Variants in MLIP observed in about 807,000 individuals in gnomAD.
The protein encoded by MLIP is muscular LMNA-interacting protein.
In MLIP, 79 loss-of-function variants were observed where a neutral mutation model predicts 84.8. That is an observed-to-expected ratio of 0.93 (90% CI 0.78 to 1.12). The LOEUF is 1.12. Among genes scored for constraint, MLIP ranks in the 50% most tolerant of loss-of-function variants. MLIP has a pLI of 0.00. For synonymous variants in MLIP, 504 were observed against 463.0 expected (o/e 1.09, Z -1.14); for missense variants, 1,257 against 1,160.6 (o/e 1.08, Z -1.21).
At chr6:54,265,526 T>C (rs548637307) in intron 13 of MLIP, among the ~76,000 whole-genome samples, 2 of 152,252 alleles carry the variant, frequency 1.3e-5, no homozygotes, top group South Asian at 4.1e-4. Flanking sequence ...TCAATCCCTA[T>C]TCAGTTTACC....
At chr6:54,219,325 T>A (rs1208542042) in intron 11 of MLIP, among the ~76,000 whole-genome samples, 7 of 150,842 alleles carry the variant, frequency 4.6e-5, no homozygotes. Context: ...TTCTCTATTT[T>A]AAAATTTTCT....
intron 12 of MLIP, among the ~76,000 whole-genome samples, chr6:54,255,233 ACT>A (rs1782931005): frequency 6.6e-6 from 1 of 151,982 alleles, no homozygotes; most frequent in Non-Finnish European, 1.5e-5. Flanking sequence ...GTCTCTGCAT[ACT>A]CTCAGTCTAG....
intron 5 of MLIP, among the ~76,000 whole-genome samples, chr6:54,159,297 T>A (rs925800009): frequency 1.3e-5 from 2 of 152,110 alleles, no homozygotes; most frequent in African/African-American, 4.8e-5. Context: ...GGTTTGAGAC[T>A]GAATTTATAC....
intron 1 of MLIP, among the ~76,000 whole-genome samples, chr6:54,120,850 C>T (rs753605328): frequency 3.4e-4 from 51 of 151,920 alleles, no homozygotes; most frequent in Admixed American, 2.0e-4. Flanking sequence ...TCCTGTTCAC[C>T]GTTGTTTCCC....
intron 2 of MLIP, among the ~76,000 whole-genome samples, chr6:54,122,279 A>G (rs1187486178): frequency 6.6e-6 from 1 of 152,208 alleles, no homozygotes; most frequent in Non-Finnish European, 1.5e-5. Flanking sequence ...ACTGATGGTA[A>G]TTAGATAATT....
At chr6:54,051,155 G>A (rs144087720) in intron 1 of MLIP, among the ~76,000 whole-genome samples, 1,757 of 151,692 alleles carry the variant, frequency 0.012, 32 homozygotes, top group African/African-American at 0.04. Context: ...ACCTCGAGCA[G>A]TCTACTAGTA....
rs183860033 is a variant in MLIP at position 54,158,232 on chromosome 6, G to A, written c.2290-2135G>A. ...CTTCTGTCAGGATATGTCTACCTCA[G>A]AATGGGAATAAAGAAATGAGAAATA... On this transcript the variant is annotated intron_variant, in intron 5 of 13. Coordinates refer to ENST00000502396, the MANE Select transcript of MLIP (RefSeq NM_001281747.2). Among the ~76,000 whole-genome samples, 219 of 152,162 alleles carry A rather than the reference G, an allele frequency of 1.4e-3. 1 individual carries two copies. Among genetic ancestry groups the A allele is most frequent in the African/African-American group, 5.2e-3 (216 of 41,534 alleles).
At chr6:54,100,382 T>C (rs1260031692) in intron 1 of MLIP, among the ~76,000 whole-genome samples, 6 of 152,148 alleles carry the variant, frequency 3.9e-5, no homozygotes, top group Non-Finnish European at 8.8e-5. Flanking sequence ...ATGTATTATT[T>C]TAGTAACTTG....
At position 54,027,442 on chromosome 6, in the gene MLIP, G is replaced by C. The variant is rs1386021386; in HGVS notation, c.63+8351G>C. On this transcript the variant is annotated intron_variant, in intron 1 of 12. Coordinates refer to the MLIP transcript ENST00000274897. Reference sequence around the variant, plus strand: ...ACACATATATACATAAAATCTGTGTGTTAAATGTTATTTTAAAAATGGTTT... The same window carrying C: ...ACACATATATACATAAAATCTGTGTCTTAAATGTTATTTTAAAAATGGTTT... Among the ~76,000 whole-genome samples the C allele has an allele frequency of 2.6e-5, 4 of 151,156 alleles. No individual in the cohort carries two copies. In the East Asian group the frequency reaches 5.8e-4, roughly 22 times the overall value.
At chr6:54,049,199 A>T (rs1299298286) in intron 1 of MLIP, among the ~76,000 whole-genome samples, 1 of 152,226 alleles carries the variant, frequency 6.6e-6, no homozygotes, top group Non-Finnish European at 1.5e-5. Flanking sequence ...ACAAAAGATC[A>T]GTGTAAAGCT....
intron 1 of MLIP, among the ~76,000 whole-genome samples, chr6:54,051,150 G>A (rs1051419996): frequency 2.6e-5 from 4 of 151,640 alleles, no homozygotes; most frequent in South Asian, 4.2e-4. Flanking sequence ...GTTGGACCTC[G>A]AGCAGTCTAC....
chr6:54,258,981 T>C (rs939405328), intron 13 of MLIP, among the ~76,000 whole-genome samples: 1 of 150,972 alleles, frequency 6.6e-6, no homozygotes, highest in Non-Finnish European at 1.5e-5. Flanking sequence ...TAAATTTATA[T>C]TTCTATCTAT....
At chr6:54,199,116 T>G (rs1778496828) in intron 10 of MLIP, among the ~76,000 whole-genome samples, 1 of 152,182 alleles carries the variant, frequency 6.6e-6, no homozygotes, top group Non-Finnish European at 1.5e-5. Context: ...AACAATAAAT[T>G]TTAAAGGAAT....
intron 13 of MLIP, among the ~76,000 whole-genome samples, chr6:54,263,816 A>T (rs551908556): frequency 6.6e-6 from 1 of 152,166 alleles, no homozygotes; most frequent in Non-Finnish European, 1.5e-5. Flanking sequence ...TTATATCCAA[A>T]ATAAGTGTGT....
chr6:54,038,026 C>T (rs1764541102), intron 1 of MLIP, among the ~76,000 whole-genome samples: 1 of 151,816 alleles, frequency 6.6e-6, no homozygotes, highest in South Asian at 2.1e-4. Context: ...TTTATTCACA[C>T]CTCACCTCAC....
intron 1 of MLIP, among the ~76,000 whole-genome samples, chr6:54,119,173 G>T (rs1300589318): frequency 6.6e-6 from 1 of 152,170 alleles, no homozygotes; most frequent in Non-Finnish European, 1.5e-5. Flanking sequence ...ATATGATCTA[G>T]CAATCCCATT....
intron 13 of MLIP, among the ~76,000 whole-genome samples, chr6:54,261,296 G>A (rs751280497): frequency 2.0e-5 from 3 of 151,854 alleles, no homozygotes; most frequent in African/African-American, 7.3e-5. Context: ...TAAACAGACC[G>A]CCCCTCTTTG....
chr6:54,045,879 A>T (rs930371251), intron 1 of MLIP: 2 of 152,174 alleles, frequency 1.3e-5, no homozygotes, highest in Non-Finnish European at 2.9e-5. Flanking sequence ...ACCCAGTCTC[A>T]GGTAGTTATT....
intron 12 of MLIP, among the ~76,000 whole-genome samples, chr6:54,238,990 T>C (rs1015473315): frequency 1.3e-5 from 2 of 152,208 alleles, no homozygotes; most frequent in Admixed American, 1.3e-4. Context: ...TTTCTTCACA[T>C]GTACTATGGA....
Sources: gnomAD v4.1 joint callset for allele counts (sites outside exome capture counted in the v4.1 genomes callset) on GRCh38, gnomAD v4.1.1 for gene constraint, MANE v1.5 for transcripts, NCBI Gene and HGNC (gene_info 2026-07-23, HGNC 2026-07-21) for gene names.